CSTF3: variants seen among roughly 807,000 people sequenced by gnomAD.
CSTF3 encodes cleavage stimulation factor subunit 3, also known as CF-1 77 kDa subunit.
Under a neutral mutation model 105.8 loss-of-function variants are expected in CSTF3, and 29 were observed. The observed-to-expected ratio is 0.27, with a 90% CI of 0.20 to 0.37. The LOEUF is 0.37. CSTF3 is among the 10% of genes least tolerant of loss of function. The pLI is 1.00. For missense variants in CSTF3, 357 were observed against 879.3 expected (o/e 0.41, Z 7.51); for synonymous variants, 252 against 281.9 (o/e 0.89, Z 1.06).
At chr11:33,128,616 T>C (rs1855568200) in intron 3 of CSTF3, among the ~76,000 whole-genome samples, 1 of 152,150 alleles carries the variant, frequency 6.6e-6, no homozygotes, top group East Asian at 1.9e-4. Flanking sequence ...CAATTCTAGA[T>C]GAGCTAATGA....
chr11:33,155,360 T>C (rs563314040), intron 1 of CSTF3, among the ~76,000 whole-genome samples: 2 of 139,410 alleles, frequency 1.4e-5, no homozygotes, highest in Non-Finnish European at 3.1e-5. Flanking sequence ...CAAGACTCTG[T>C]CTCGAAAAAA....
intron 3 of CSTF3, among the ~76,000 whole-genome samples, chr11:33,132,903 T>C (rs1855614192): frequency 6.6e-6 from 1 of 152,086 alleles, no homozygotes; most frequent in African/African-American, 2.4e-5. Flanking sequence ...AGTAAATCAA[T>C]ATAGATATCC....
At chr11:33,098,493 T>C (rs2133773652) in intron 13 of CSTF3, among the ~76,000 whole-genome samples, 197 bp downstream of exon 13, 1 of 152,188 alleles carries the variant, frequency 6.6e-6, no homozygotes, top group Admixed American at 6.5e-5. Flanking sequence ...TACAAAGGGG[T>C]CACATGGGGG....
Position 33,156,673 on chromosome 11 carries a change from A to G in CSTF3, c.27+4626T>C. The G allele has an allele frequency of 4.4e-6, 2 of 453,750 alleles. 1 individual carries two copies. Among genetic ancestry groups the G allele is most frequent in the South Asian group, 3.1e-5 (2 of 64,410 alleles). The allele number at this position is 453,750 out of a possible 1,614,324, so 28.1% of individuals were successfully genotyped here. On this transcript the variant is annotated intron_variant, in intron 1 of 20. Coordinates refer to ENST00000323959, the MANE Select transcript of CSTF3 (RefSeq NM_001326.3). The stretch of plus-strand genomic sequence containing the variant: ...TTCCAAATTCTAGGATAAGTTATAC[A>G]TTATTTAAAAGGTGAAATATGGCTG...
At chr11:33,105,291 G>A (rs1466795151) in intron 8 of CSTF3, among the ~76,000 whole-genome samples, 1 of 152,148 alleles carries the variant, frequency 6.6e-6, no homozygotes, top group Non-Finnish European at 1.5e-5. Context: ...CTGTTTTATA[G>A]GTCAATGACA....
At chr11:33,139,097 T>A (rs1019579708) in intron 3 of CSTF3, among the ~76,000 whole-genome samples, 2 of 151,928 alleles carry the variant, frequency 1.3e-5, no homozygotes, top group Non-Finnish European at 2.9e-5. Context: ...TTAAAAGTAA[T>A]TAATATGCTC....
At position 33,154,487 on chromosome 11, in the gene CSTF3, C is replaced by CTTTTTT. The variant is rs1408050209; in HGVS notation, c.27+6811_27+6812insAAAAAA. ...TAGACCGGAGTAGCACTCCGTAAGA[C>CTTTTTT]TTTCTTTTTTTTTTTTTTTTTTTTT... On this transcript the variant is annotated intron_variant, in intron 1 of 20. Transcript: ENST00000323959. Among the ~76,000 whole-genome samples, 6 of 30,636 alleles carry CTTTTTT rather than the reference C, an allele frequency of 2.0e-4. 3 individuals carry two copies. Among genetic ancestry groups the CTTTTTT allele is most frequent in the Non-Finnish European group, 1.9e-4 (2 of 10,446 alleles). The allele number at this position is 30,636 out of a possible 152,430, so 20.1% of individuals were successfully genotyped here.
chr11:33,113,268 A>G (rs2133782103), intron 3 of CSTF3, among the ~76,000 whole-genome samples: 1 of 152,246 alleles, frequency 6.6e-6, no homozygotes, highest in Non-Finnish European at 1.5e-5. Context: ...TTATATGCAT[A>G]CAAATAATTT....
intron 1 of CSTF3, among the ~76,000 whole-genome samples, chr11:33,143,707 C>T (rs1301742649): frequency 6.6e-6 from 1 of 152,084 alleles, no homozygotes; most frequent in Non-Finnish European, 1.5e-5. Flanking sequence ...TGAGATTGCG[C>T]CACTGCACTC....
chr11:33,093,856 C>T (rs1358155139), intron 15 of CSTF3, among the ~76,000 whole-genome samples: 5 of 152,042 alleles, frequency 3.3e-5, no homozygotes, highest in East Asian at 1.9e-4. Flanking sequence ...TACAGGTGCA[C>T]GCCACCATGC....
chr11:33,092,456 A>G (rs922419315), intron 15 of CSTF3, 116 bp from the exon 16 acceptor site: 12 of 579,828 alleles, frequency 2.1e-5, no homozygotes, highest in Non-Finnish European at 3.4e-5. Context: ...AGGTTTAACT[A>G]TTATCACACT....
intron 3 of CSTF3, chr11:33,141,006 A>C (rs900409003): frequency 1.3e-5 from 2 of 151,996 alleles, no homozygotes; most frequent in Non-Finnish European, 2.9e-5. Flanking sequence ...TGGGGTCCTT[A>C]CTCTTTAAAA....
intron 3 of CSTF3, among the ~76,000 whole-genome samples, chr11:33,123,186 G>GA (rs960743307): frequency 0.017 from 2,221 of 134,474 alleles, 47 homozygotes; most frequent in African/African-American, 0.052. Context: ...TTGTAAAGAT[G>GA]AAAAAAAAAA....
chr11:33,142,105 CT>C, intron 1 of CSTF3, 119 bp from the exon 2 acceptor site: 1 of 1,483,654 alleles, frequency 6.7e-7, no homozygotes, highest in East Asian at 2.4e-5. Flanking sequence ...TAAAAATATC[CT>C]CTTATAAAAG....
intron 1 of CSTF3, among the ~76,000 whole-genome samples, chr11:33,154,212 G>A (rs529928994): frequency 1.2e-4 from 19 of 152,270 alleles, no homozygotes; most frequent in East Asian, 1.2e-3. Context: ...CAGAGTCTAC[G>A]TATCTATACT....
intron 20 of CSTF3, 24 bp downstream of exon 20, chr11:33,085,689 T>C: frequency 6.3e-7 from 1 of 1,586,358 alleles, no homozygotes; most frequent in Non-Finnish European, 8.7e-7. Flanking sequence ...AATGACACTC[T>C]GAAATGGAGC....
At chr11:33,122,176 AT>A (rs955291855) in intron 3 of CSTF3, among the ~76,000 whole-genome samples, 3 of 152,226 alleles carry the variant, frequency 2.0e-5, no homozygotes, top group Admixed American at 2.0e-4. Context: ...TGAAAACCAA[AT>A]TCTATAAAGT....
chr11:33,091,889 A>ATTT (rs113975445), intron 16 of CSTF3, among the ~76,000 whole-genome samples: 2 of 151,824 alleles, frequency 1.3e-5, no homozygotes, highest in Non-Finnish European at 2.9e-5. Flanking sequence ...AATTTTTAAC[A>ATTT]TTTTTTGTAT....
chr11:33,091,506 TATA>T (rs1336825753), intron 16 of CSTF3, among the ~76,000 whole-genome samples: 1 of 152,198 alleles, frequency 6.6e-6, no homozygotes. Flanking sequence ...AAAGCCTTAC[TATA>T]ATATTTCCGC....
Sources: allele counts gnomAD v4.1 joint callset (sites outside exome capture counted in the v4.1 genomes callset), GRCh38; gene constraint gnomAD v4.1.1; transcripts MANE v1.5; gene names NCBI Gene and HGNC (gene_info 2026-07-23, HGNC 2026-07-21).